The following ERP44 variants were observed in gnomAD, a reference collection of about 807,000 sequenced individuals.
ERP44 encodes the protein endoplasmic reticulum protein 44, also known as endoplasmic reticulum resident protein 44.
Under a neutral mutation model 53.4 loss-of-function variants are expected in ERP44, and 25 were observed. The observed-to-expected ratio is 0.47, with a 90% CI of 0.34 to 0.65. The LOEUF (loss-of-function observed/expected upper bound fraction) is 0.65, where lower values mean the gene tolerates loss of function less well. Ranked by LOEUF, ERP44 falls within the 30% of genes least tolerant of loss-of-function variation. The probability of loss-of-function intolerance (pLI) is 0.01; values close to 1 mark genes in which losing one functional copy is unlikely to be tolerated. For synonymous variants in ERP44, 145 were observed against 161.2 expected (o/e 0.90, Z 0.76); for missense variants, 338 against 493.2 (o/e 0.69, Z 2.98).
intron 3 of ERP44, 77 bp from the exon 4 acceptor site, chr9:100,052,609 C>G: frequency 1.8e-6 from 1 of 554,524 alleles, no homozygotes. Context: ...TGCCCACTGA[C>G]ATTTGATATA....
chr9:100,060,005 GCTAA>G (rs1826125601), intron 2 of ERP44, 91 bp downstream of exon 2: 1 of 1,047,576 alleles, frequency 9.5e-7, no homozygotes, highest in Non-Finnish European at 1.3e-6. Context: ...ATCTGTGCTA[GCTAA>G]CTGAGATTTT....
chr9:100,079,413 T>TACACACACACACACACAC (rs58110423), intron 1 of ERP44, among the ~76,000 whole-genome samples: 1 of 137,270 alleles, frequency 7.3e-6, no homozygotes, highest in Non-Finnish European at 1.6e-5. Flanking sequence ...AACTCCCCTT[T>TACACACACACACACACAC]ACACACACAC....
intron 1 of ERP44, among the ~76,000 whole-genome samples, chr9:100,082,542 TAC>T (rs1826438258): frequency 6.6e-6 from 1 of 152,020 alleles, no homozygotes; most frequent in African/African-American, 2.4e-5. Flanking sequence ...AAAAAACATA[TAC>T]AGTCGTCCAT....
At chr9:100,030,874 C>G (rs1403437149) in intron 4 of ERP44, among the ~76,000 whole-genome samples, 4 of 152,234 alleles carry the variant, frequency 2.6e-5, no homozygotes, top group Non-Finnish European at 5.9e-5. Context: ...CCTTCCCCAC[C>G]TTGCTGCAGG....
chr9:100,086,151 A>G (rs757069890), intron 1 of ERP44, among the ~76,000 whole-genome samples: 13 of 152,228 alleles, frequency 8.5e-5, no homozygotes, highest in Non-Finnish European at 1.9e-4. Flanking sequence ...TGCAAATGAT[A>G]CCTTTCAAAC....
chr9:100,089,580 C>CA (rs71498726), intron 1 of ERP44, among the ~76,000 whole-genome samples: 12,440 of 42,082 alleles, frequency 0.3, 2,108 homozygotes, highest in African/African-American at 0.52. Flanking sequence ...GACTCCATCT[C>CA]AAAAAAAAAA....
intron 1 of ERP44, among the ~76,000 whole-genome samples, chr9:100,079,763 T>C (rs1161727682): frequency 1.3e-5 from 2 of 151,840 alleles, no homozygotes; most frequent in African/African-American, 4.8e-5. Context: ...GCAAGACCCC[T>C]CTCTCACTGT....
intron 4 of ERP44, among the ~76,000 whole-genome samples, chr9:100,033,939 T>A (rs1199956185): frequency 6.6e-6 from 1 of 152,174 alleles, no homozygotes; most frequent in Admixed American, 6.5e-5. Flanking sequence ...TGGATCTTTG[T>A]CCCTCTACAA....
intron 9 of ERP44, 123 bp from the exon 10 acceptor site, chr9:100,006,770 T>C (rs996029368): frequency 3.2e-6 from 2 of 621,056 alleles, no homozygotes; most frequent in African/African-American, 3.8e-5. Context: ...AAGAGTAATA[T>C]AGATCAGAAA....
chr9:99,995,236 C>G (rs1223816826), intron 10 of ERP44, among the ~76,000 whole-genome samples: 1 of 152,076 alleles, frequency 6.6e-6, no homozygotes, highest in African/African-American at 2.4e-5. Flanking sequence ...GTTCTAGGAG[C>G]TTTTTAATAA....
intron 10 of ERP44, among the ~76,000 whole-genome samples, chr9:100,004,878 C>T (rs1830412371): frequency 1.3e-5 from 2 of 152,192 alleles, no homozygotes; most frequent in Admixed American, 1.3e-4. Flanking sequence ...GATTAACTTT[C>T]ATAATCAACT....
At chr9:100,039,198 T>C (rs1388280258) in intron 4 of ERP44, among the ~76,000 whole-genome samples, 1 of 152,174 alleles carries the variant, frequency 6.6e-6, no homozygotes, top group East Asian at 1.9e-4. Context: ...CTAACAGATA[T>C]TTACAGAACA....
intron 1 of ERP44, among the ~76,000 whole-genome samples, chr9:100,084,525 G>A (rs186426410): frequency 6.6e-6 from 1 of 152,012 alleles, no homozygotes; most frequent in African/African-American, 2.4e-5. Context: ...CCTGACAATG[G>A]GTTAATAAAC....
At chr9:100,004,302 G>C (rs1830406217) in intron 10 of ERP44, among the ~76,000 whole-genome samples, 1 of 152,180 alleles carries the variant, frequency 6.6e-6, no homozygotes, top group Admixed American at 6.5e-5. Flanking sequence ...CCTGAACCCT[G>C]GGTCTGTGAG....
chr9:100,047,121 T>C (rs1425683310), intron 4 of ERP44, among the ~76,000 whole-genome samples: 1 of 152,212 alleles, frequency 6.6e-6, no homozygotes, highest in Non-Finnish European at 1.5e-5. Context: ...GACATAAGTA[T>C]AAACCTTCAT....
At chr9:100,006,778 A>C in intron 9 of ERP44, 131 bp from the exon 10 acceptor site, 3 of 581,224 alleles carry the variant, frequency 5.2e-6, no homozygotes, top group Non-Finnish European at 8.7e-6. Flanking sequence ...TATAGATCAG[A>C]AAAACTAAAA....
intron 1 of ERP44, among the ~76,000 whole-genome samples, chr9:100,071,826 C>G (rs1826308829): frequency 1.3e-5 from 2 of 152,102 alleles, no homozygotes; most frequent in South Asian, 4.1e-4. Flanking sequence ...GATGCTGAAG[C>G]AGGAGAATCA....
intron 4 of ERP44, among the ~76,000 whole-genome samples, chr9:100,038,725 C>T (rs533186636): frequency 2.6e-5 from 4 of 151,276 alleles, no homozygotes; most frequent in Non-Finnish European, 4.4e-5. Flanking sequence ...TAAAAAAAAA[C>T]AAGACCCAAA....
intron 10 of ERP44, among the ~76,000 whole-genome samples, chr9:99,989,177 G>C (rs935112211): frequency 6.6e-6 from 1 of 152,216 alleles, no homozygotes; most frequent in African/African-American, 2.4e-5. Flanking sequence ...GCTCTGAAGA[G>C]AGCAGTGGTT....
Sources: gnomAD v4.1 joint callset for allele counts (sites outside exome capture counted in the v4.1 genomes callset) on GRCh38, gnomAD v4.1.1 for gene constraint, MANE v1.5 for transcripts, NCBI Gene and HGNC (gene_info 2026-07-23, HGNC 2026-07-21) for gene names.